RPS6KA2: variants seen among roughly 807,000 people sequenced by gnomAD.
RPS6KA2 encodes ribosomal protein S6 kinase alpha-2.
Under a neutral mutation model 91.8 loss-of-function variants are expected in RPS6KA2, and 42 were observed. The observed-to-expected ratio is 0.46, with a 90% CI of 0.36 to 0.59. The LOEUF is 0.59. Among genes scored for constraint, RPS6KA2 ranks in the 20% least tolerant of loss-of-function variants. RPS6KA2 has a pLI of 0.00. For synonymous variants in RPS6KA2, 414 were observed against 393.6 expected (o/e 1.05, Z -0.61); for missense variants, 798 against 978.5 (o/e 0.82, Z 2.46).
At position 166,677,612 on chromosome 6, in the gene RPS6KA2, G is replaced by A. The variant is rs1021064708; in HGVS notation, c.124-138828C>T. ...TCTGCCTGCCTGGGCTTCCCAAAGTGCTGGGATTACAGGCATGTATTTACC... is the reference window on the plus strand; with the variant it reads ...TCTGCCTGCCTGGGCTTCCCAAAGTACTGGGATTACAGGCATGTATTTACC... On this transcript the variant is annotated intron_variant, in intron 2 of 21. Coordinates refer to the RPS6KA2 transcript ENST00000503859. Among the ~76,000 whole-genome samples the A allele has an allele frequency of 3.9e-5, 6 of 152,216 alleles. 1 individual carries two copies. The East Asian group carries it at 1.2e-3, about 29-fold the overall frequency.
At chr6:166,430,132 TTTG>T (rs1279632799) in intron 16 of RPS6KA2, among the ~76,000 whole-genome samples, 5 of 151,704 alleles carry the variant, frequency 3.3e-5, no homozygotes, top group Admixed American at 2.0e-4. Context: ...TAATTTTTTT[TTTG>T]TTGTTGTTAT....
intron 15 of RPS6KA2, 143 bp downstream of exon 15, chr6:166,432,258 C>G (rs1779159213): frequency 1.6e-6 from 1 of 642,428 alleles, no homozygotes; most frequent in Admixed American, 2.5e-5. Context: ...CAAGTCAGCT[C>G]CAAGTGACTG....
At chr6:166,616,954 T>G (rs1786438025) in intron 1 of RPS6KA2, among the ~76,000 whole-genome samples, 1 of 152,088 alleles carries the variant, frequency 6.6e-6, no homozygotes, top group Non-Finnish European at 1.5e-5. Context: ...AACAAATGAA[T>G]GTGGGAGAAA....
intron 3 of RPS6KA2, among the ~76,000 whole-genome samples, chr6:166,523,556 A>C (rs539225785): frequency 7.9e-5 from 12 of 152,210 alleles, no homozygotes; most frequent in Non-Finnish European, 1.8e-4. Flanking sequence ...TCGTAAATAA[A>C]GATGATGATT....
At chr6:166,619,017 G>C (rs957266400) in intron 1 of RPS6KA2, among the ~76,000 whole-genome samples, 1 of 149,624 alleles carries the variant, frequency 6.7e-6, no homozygotes, top group South Asian at 2.1e-4. Context: ...TCAGATTCGC[G>C]CACCAGCCCT....
In RPS6KA2 at chr6:166,627,049, G is replaced by A. The variant is rs745498748; in HGVS notation, c.-30C>T. On this transcript the variant is annotated 5_prime_UTR_variant, in exon 1 of 21. Transcript: ENST00000265678. Reference sequence around the variant, plus strand: ...CCGCGCCCAGCCCGGAGCAGCCGCAGGGCCGGGGGACGCGCATCCCCGGCA... The same window carrying A: ...CCGCGCCCAGCCCGGAGCAGCCGCAAGGCCGGGGGACGCGCATCCCCGGCA... The A allele has an allele frequency of 2.2e-6, 3 of 1,388,138 alleles. No homozygotes were observed. 86.0% of individuals were successfully genotyped at this position (1,388,138 alleles called of 1,614,324 possible).
chr6:166,471,414 G>A (rs1269239109), intron 10 of RPS6KA2, among the ~76,000 whole-genome samples: 5 of 152,234 alleles, frequency 3.3e-5, no homozygotes, highest in African/African-American at 7.2e-5. Context: ...GGTGGTCAAC[G>A]GCTCAGAGAC....
chr6:166,507,437 C>T (rs1329036859), intron 5 of RPS6KA2, among the ~76,000 whole-genome samples: 1 of 150,142 alleles, frequency 6.7e-6, no homozygotes, highest in African/African-American at 2.5e-5. Flanking sequence ...ACATACAGCA[C>T]ACACACACAA....
chr6:166,617,437 A>G (rs1472253834), intron 1 of RPS6KA2, among the ~76,000 whole-genome samples: 1 of 152,210 alleles, frequency 6.6e-6, no homozygotes, highest in Non-Finnish European at 1.5e-5. Flanking sequence ...GATCAGCTAT[A>G]TTGTGAGCCT....
chr6:166,549,180 C>T (rs565287329), intron 1 of RPS6KA2, among the ~76,000 whole-genome samples: 2 of 152,146 alleles, frequency 1.3e-5, no homozygotes, highest in African/African-American at 2.4e-5. Flanking sequence ...CATCAAACAT[C>T]GGTGAGGATG....
chr6:166,502,760 C>T (rs745997361), intron 6 of RPS6KA2, among the ~76,000 whole-genome samples: 2 of 152,228 alleles, frequency 1.3e-5, no homozygotes, highest in African/African-American at 2.4e-5. Flanking sequence ...GGGCTCAGAG[C>T]ACCACGGGGT....
At chr6:166,503,792 A>G (rs1782102606) in intron 6 of RPS6KA2, among the ~76,000 whole-genome samples, 1 of 152,252 alleles carries the variant, frequency 6.6e-6, no homozygotes, top group African/African-American at 2.4e-5. Flanking sequence ...GAAAATGGGA[A>G]CACTATTATT....
intron 1 of RPS6KA2, among the ~76,000 whole-genome samples, chr6:166,609,898 G>C (rs933013332): frequency 4.6e-5 from 7 of 151,996 alleles, no homozygotes; most frequent in African/African-American, 1.7e-4. Context: ...GAATACTCAG[G>C]CAATTGGAAA....
intron 2 of RPS6KA2, among the ~76,000 whole-genome samples, chr6:166,755,917 T>G (rs1364606787): frequency 6.6e-6 from 1 of 152,252 alleles, no homozygotes; most frequent in Non-Finnish European, 1.5e-5. Context: ...CCACTTGTTT[T>G]CTTTATGCTC....
Position 166,593,301 on chromosome 6 carries a change from AGAATG to A in RPS6KA2, c.99+33615_99+33619del, listed in dbSNP as rs1312179201. ...AAAATAGAATAGAATGAAATAGAAG[AGAATG>A]GAATGGAATGGAATAGAATAAAACA... On this transcript the variant is annotated intron_variant, in intron 1 of 20. Coordinates refer to ENST00000265678, the MANE Select transcript of RPS6KA2 (RefSeq NM_021135.6). 1.1e-4 allele frequency among the ~76,000 whole-genome samples: 17 copies of A among 152,330 alleles called. No individual in the cohort carries two copies. The East Asian group carries it at 3.1e-3, about 28-fold the overall frequency.
At chr6:166,548,493 G>C (rs1783898520) in intron 1 of RPS6KA2, among the ~76,000 whole-genome samples, 1 of 152,208 alleles carries the variant, frequency 6.6e-6, no homozygotes, top group South Asian at 2.1e-4. Context: ...TGAAGGGGTA[G>C]ACACACAGAT....
intron 3 of RPS6KA2, among the ~76,000 whole-genome samples, chr6:166,513,087 A>C (rs1782525682): frequency 6.6e-6 from 1 of 152,200 alleles, no homozygotes; most frequent in Non-Finnish European, 1.5e-5. Context: ...TGAGCTTCAA[A>C]ACATCACAAA....
chr6:166,478,220 C>G (rs958702898), intron 10 of RPS6KA2, among the ~76,000 whole-genome samples: 1 of 152,192 alleles, frequency 6.6e-6, no homozygotes, highest in South Asian at 2.1e-4. Context: ...TGAGGCGGCA[C>G]GTCCCTTGCA....
chr6:166,617,983 C>A (rs1786480860), intron 1 of RPS6KA2, among the ~76,000 whole-genome samples: 1 of 152,204 alleles, frequency 6.6e-6, no homozygotes, highest in Non-Finnish European at 1.5e-5. Context: ...GCTGATGACA[C>A]CATTGGGGAG....
Sources: allele counts gnomAD v4.1 joint callset (sites outside exome capture counted in the v4.1 genomes callset), GRCh38; gene constraint gnomAD v4.1.1; transcripts MANE v1.5; gene names NCBI Gene and HGNC (gene_info 2026-07-23, HGNC 2026-07-21).